The following HIVEP3 variants were observed in gnomAD, a reference collection of about 807,000 sequenced individuals.
HIVEP3 encodes the protein HIVEP zinc finger 3, also known as transcription factor HIVEP3.
Under a neutral mutation model 152.8 loss-of-function variants are expected in HIVEP3, and 49 were observed. That is an observed-to-expected ratio of 0.32 (90% CI 0.26 to 0.41). HIVEP3 has a LOEUF of 0.41. Ranked by LOEUF, HIVEP3 falls within the 10% of genes least tolerant of loss-of-function variation. The probability of loss-of-function intolerance (pLI) is 1.00; values close to 1 mark genes in which losing one functional copy is unlikely to be tolerated. For synonymous variants in HIVEP3, 1,269 were observed against 1,289.0 expected (o/e 0.98, Z 0.33); for missense variants, 2,790 against 3,103.3 (o/e 0.90, Z 2.40).
chr1:41,890,672 G>T (rs760487724), intron 1 of HIVEP3, among the ~76,000 whole-genome samples: 6 of 152,206 alleles, frequency 3.9e-5, no homozygotes, highest in Non-Finnish European at 8.8e-5. Flanking sequence ...GTAAGTGGTG[G>T]AGCTGGGATT....
At chr1:41,543,945 G>C (rs898324432) in intron 5 of HIVEP3, 2 of 152,172 alleles carry the variant, frequency 1.3e-5, no homozygotes, top group African/African-American at 4.8e-5. Flanking sequence ...TCTTGGAGCT[G>C]GTGGCCTTGC....
chr1:41,994,587 G>A (rs59383896), intron 1 of HIVEP3, among the ~76,000 whole-genome samples: 29,124 of 152,048 alleles, frequency 0.19, 2,905 homozygotes, highest in South Asian at 0.31. Context: ...GCTGCCATGT[G>A]AAGAAGGTGC....
intron 1 of HIVEP3, among the ~76,000 whole-genome samples, chr1:41,867,737 G>A (rs1236603045): frequency 6.6e-6 from 1 of 152,150 alleles, no homozygotes; most frequent in Admixed American, 6.5e-5. Context: ...GTGCCATCTG[G>A]TAAATGGCCT....
chr1:42,030,496 G>A (rs76058693), intron 1 of HIVEP3, among the ~76,000 whole-genome samples: 165 of 152,286 alleles, frequency 1.1e-3, no homozygotes, highest in African/African-American at 3.7e-3. Context: ...AGAACTCTAA[G>A]TAGACTTCTT....
intron 3 of HIVEP3, among the ~76,000 whole-genome samples, chr1:41,609,229 A>C (rs2149131271): frequency 6.6e-6 from 1 of 152,348 alleles, no homozygotes; most frequent in East Asian, 1.9e-4. Flanking sequence ...AACCCTTCCC[A>C]TGCAGGGCAT....
intron 1 of HIVEP3, among the ~76,000 whole-genome samples, chr1:41,755,494 C>A (rs1479012959): frequency 2.0e-5 from 3 of 151,590 alleles, no homozygotes; most frequent in African/African-American, 7.3e-5. Context: ...CGCATAAGAC[C>A]CTGTTAAGAG....
intron 3 of HIVEP3, among the ~76,000 whole-genome samples, chr1:41,589,403 G>A (rs1176313819): frequency 1.3e-5 from 2 of 152,248 alleles, no homozygotes; most frequent in African/African-American, 2.4e-5. Flanking sequence ...CAATAGGAAG[G>A]AGATCGGGAC....
At position 41,945,359 on chromosome 1, in the gene HIVEP3, C is replaced by T. The variant is rs111291794; in HGVS notation, n.120-26835G>A. Among the ~76,000 whole-genome samples, 688 of 152,320 alleles carry T rather than the reference C, an allele frequency of 4.5e-3. 5 individuals carry two copies. Among genetic ancestry groups the T allele is most frequent in the African/African-American group, 0.016 (669 of 41,558 alleles). On this transcript the variant is annotated intron_variant and non_coding_transcript_variant, in intron 1 of 3. Transcript: ENST00000489103. ...CAGCAGAGTGCATGTACCTTTTTCT[C>T]TCTCAGACTTAAAGCAAATTAAAAT...
chr1:41,874,026 G>T (rs1644126235), intron 1 of HIVEP3, among the ~76,000 whole-genome samples: 1 of 152,200 alleles, frequency 6.6e-6, no homozygotes, highest in African/African-American at 2.4e-5. Flanking sequence ...CCCAGTGTCT[G>T]CTGGGCCAGC....
intron 5 of HIVEP3, among the ~76,000 whole-genome samples, chr1:41,550,650 G>A (rs1380162417): frequency 6.6e-6 from 1 of 152,152 alleles, no homozygotes; most frequent in Non-Finnish European, 1.5e-5. Flanking sequence ...GTGAATGGGA[G>A]TTCACTCATG....
chr1:42,016,320 C>A (rs1390309158), intron 1 of HIVEP3, among the ~76,000 whole-genome samples: 1 of 151,914 alleles, frequency 6.6e-6, no homozygotes, highest in East Asian at 1.9e-4. Flanking sequence ...GACAGACAGG[C>A]AGTAAGGACA....
intron 5 of HIVEP3, 43 bp downstream of exon 5, chr1:41,575,501 T>C (rs1235057078): frequency 3.1e-6 from 5 of 1,602,694 alleles, no homozygotes; most frequent in Non-Finnish European, 4.3e-6. Context: ...CACCAGCTCT[T>C]ATTCCACGGA....
chr1:41,910,835 G>C (rs1644784251), intron 1 of HIVEP3, among the ~76,000 whole-genome samples: 1 of 151,870 alleles, frequency 6.6e-6, no homozygotes, highest in Admixed American at 6.6e-5. Context: ...TACAGAACAG[G>C]AGTAGTTCCT....
At chr1:41,777,981 C>T (rs184675474) in intron 1 of HIVEP3, among the ~76,000 whole-genome samples, 190 of 152,350 alleles carry the variant, frequency 1.2e-3, no homozygotes, top group African/African-American at 3.7e-3. Flanking sequence ...TCTATTCAAT[C>T]GGCGGGGGTT....
At chr1:41,527,246 CACACACACA>C (rs1642999548) in intron 5 of HIVEP3, among the ~76,000 whole-genome samples, 1 of 114,706 alleles carries the variant, frequency 8.7e-6, no homozygotes, top group African/African-American at 3.2e-5. Flanking sequence ...ACTCACCTCA[CACACACACA>C]CCCTCACATG....
intron 1 of HIVEP3, among the ~76,000 whole-genome samples, chr1:41,783,234 GT>G (rs1472769514): frequency 7.1e-4 from 108 of 152,182 alleles, no homozygotes; most frequent in African/African-American, 2.4e-3. Flanking sequence ...GTTGTCGGGT[GT>G]GGGTGTTGGG....
In HIVEP3 at chr1:41,584,512, G is replaced by C. The variant is rs749012031; in HGVS notation, c.286C>G (p.Pro96Ala). 1.9e-6 allele frequency: 3 copies of C among 1,614,166 alleles called. No individual in the cohort carries two copies. Among genetic ancestry groups the C allele is most frequent in the Non-Finnish European group, 2.5e-6 (3 of 1,180,026 alleles). ...AATGCTGGTGTCAGAGGGTGCTGCG[G>C]AAGCTGTGAGATGTGGACGGATGCT... ...IEASVHISQL[P>A]QHPLTPAFMS... The change falls in exon 4 of 9, where the codon CCG becomes GCG. Residue 96 changes from proline to alanine, a missense_variant. Physicochemically the swap from Pro to Ala is conservative, Grantham distance 27. Transcript: ENST00000372583. This position sits in a 1 kb window ranked among gnomAD's most constrained non-coding sequence, Gnocchi z 5.2.
chr1:41,528,361 G>GA (rs1643087245), intron 5 of HIVEP3, among the ~76,000 whole-genome samples: 1 of 46,200 alleles, frequency 2.2e-5, no homozygotes, highest in African/African-American at 8.8e-5. Context: ...TCCACACCCC[G>GA]CCCTTACACT....
chr1:41,839,439 T>C (rs779622441), intron 1 of HIVEP3, among the ~76,000 whole-genome samples: 3 of 152,244 alleles, frequency 2.0e-5, no homozygotes, highest in Non-Finnish European at 4.4e-5. Flanking sequence ...GACAGGACTC[T>C]GCAGCAGCAA....
Sources: allele counts gnomAD v4.1 joint callset (sites outside exome capture counted in the v4.1 genomes callset), GRCh38; gene constraint gnomAD v4.1.1; non-coding constraint Gnocchi (gnomAD v3.1); transcripts MANE v1.5; gene names NCBI Gene and HGNC (gene_info 2026-07-23, HGNC 2026-07-21).